The following ERBB4 variants were observed in gnomAD, a reference collection of about 807,000 sequenced individuals.
ERBB4 encodes receptor tyrosine-protein kinase erbB-4.
In ERBB4, 42 loss-of-function variants were observed where a neutral mutation model predicts 158.0. The observed-to-expected ratio is 0.27, with a 90% CI of 0.21 to 0.34. The LOEUF is 0.34. Ranked by LOEUF, ERBB4 falls within the 10% of genes least tolerant of loss-of-function variation. ERBB4 has a pLI of 1.00. For missense variants in ERBB4, 1,333 were observed against 1,624.1 expected (o/e 0.82, Z 3.08); for synonymous variants, 583 against 558.7 (o/e 1.04, Z -0.61).
intron 23 of ERBB4, among the ~76,000 whole-genome samples, chr2:211,422,520 G>A (rs952117208): frequency 6.6e-6 from 1 of 150,408 alleles, no homozygotes; most frequent in African/African-American, 2.4e-5. Context: ...AATGCAAAGT[G>A]ATTGGTAATG....
intron 1 of ERBB4, among the ~76,000 whole-genome samples, chr2:212,197,034 A>T (rs2082447868): frequency 6.6e-6 from 1 of 152,114 alleles, no homozygotes; most frequent in Non-Finnish European, 1.5e-5. Context: ...AAATAAACAT[A>T]GAAATTGACC....
intron 3 of ERBB4, among the ~76,000 whole-genome samples, chr2:211,889,003 G>A (rs2078888977): frequency 6.8e-6 from 1 of 147,002 alleles, no homozygotes; most frequent in Non-Finnish European, 1.5e-5. Flanking sequence ...GGCTTGCTTA[G>A]GTAAACAAAG....
rs1027567262 is a variant in ERBB4 at position 211,380,173 on chromosome 2, C to G, written c.*3442G>C. 4.3e-6 allele frequency: 1 copy of G among 231,952 alleles called. No individual in the cohort carries two copies. Among genetic ancestry groups the G allele is most frequent in the Non-Finnish European group, 8.5e-6 (1 of 117,342 alleles). The allele number at this position is 231,952 out of a possible 1,614,324, so 14.4% of individuals were successfully genotyped here. A position where few individuals can be genotyped will look rare whatever the true frequency, so the allele number is the denominator to read the frequency against. On this transcript the variant is annotated 3_prime_UTR_variant, in exon 28 of 28. Transcript: ENST00000342788. ...TTTTCATGCTATTTTAAGAATGTTA[C>G]TGGAGAAAGGATTCTCATCCTAAGC... is the stretch of plus-strand genomic sequence containing the variant.
At chr2:212,102,334 A>G (rs34306607) in intron 2 of ERBB4, among the ~76,000 whole-genome samples, 51,732 of 151,162 alleles carry the variant, frequency 0.34, 10,727 homozygotes, top group Non-Finnish European at 0.47. Flanking sequence ...TTTTATCTCA[A>G]TAAACGGGGA....
intron 15 of ERBB4, among the ~76,000 whole-genome samples, chr2:211,661,141 C>A (rs1274176003): frequency 6.6e-6 from 1 of 151,872 alleles, no homozygotes; most frequent in Admixed American, 6.6e-5. Flanking sequence ...TATTTTTAAA[C>A]TGAGAATGAA....
chr2:212,200,074 G>A lies in ERBB4; in HGVS notation c.83-75171C>T, dbSNP rs531927620. On this transcript the variant is annotated intron_variant, in intron 1 of 27. Transcript: ENST00000342788. ...TCTCCTTGTTTAAAATTCTGTTAAA[G>A]GTCATGGCAGCTGGTAATTATAGGA... Among the ~76,000 whole-genome samples, 11 of 152,248 alleles carry A rather than the reference G, an allele frequency of 7.2e-5. No individual in the cohort carries two copies. In the East Asian group the frequency reaches 2.1e-3, roughly 29 times the overall value.
At chr2:212,345,087 A>C (rs2088919274) in intron 1 of ERBB4, among the ~76,000 whole-genome samples, 1 of 151,852 alleles carries the variant, frequency 6.6e-6, no homozygotes, top group South Asian at 2.1e-4. Context: ...AACACGGTGA[A>C]ACCCCGTCTC....
intron 5 of ERBB4, among the ~76,000 whole-genome samples, chr2:211,727,620 AT>A (rs1400481590): frequency 6.6e-6 from 1 of 152,072 alleles, no homozygotes; most frequent in Admixed American, 6.6e-5. Flanking sequence ...AAATACTAGG[AT>A]TTAAATGCTC....
At chr2:211,754,009 C>T (rs571709981) in intron 4 of ERBB4, among the ~76,000 whole-genome samples, 7 of 151,920 alleles carry the variant, frequency 4.6e-5, no homozygotes, top group South Asian at 4.2e-4. Flanking sequence ...AGGCGCCTGC[C>T]ACCACGCCCG....
At chr2:212,118,539 T>C (rs778356603) in intron 2 of ERBB4, among the ~76,000 whole-genome samples, 4 of 132,626 alleles carry the variant, frequency 3.0e-5, no homozygotes, top group Non-Finnish European at 6.9e-5. Context: ...CGAAGAGTAG[T>C]TGAAAAGCAA....
At chr2:211,689,354 C>A (rs2072704694) in intron 12 of ERBB4, among the ~76,000 whole-genome samples, 1 of 152,026 alleles carries the variant, frequency 6.6e-6, no homozygotes, top group Admixed American at 6.6e-5. Flanking sequence ...ACCATGACAC[C>A]TGGCTACTTT....
intron 1 of ERBB4, among the ~76,000 whole-genome samples, chr2:212,443,651 A>G (rs771542452): frequency 2.0e-5 from 3 of 152,228 alleles, no homozygotes; most frequent in Non-Finnish European, 4.4e-5. Flanking sequence ...CAACAGGTCC[A>G]GGCTGCTGTG....
At chr2:211,458,111 T>C (rs1355563495) in intron 20 of ERBB4, among the ~76,000 whole-genome samples, 1 of 152,102 alleles carries the variant, frequency 6.6e-6, no homozygotes, top group Non-Finnish European at 1.5e-5. Flanking sequence ...GATATATCAC[T>C]CTATATATCT....
At chr2:211,813,756 C>T (rs1051922224) in intron 3 of ERBB4, among the ~76,000 whole-genome samples, 1 of 151,352 alleles carries the variant, frequency 6.6e-6, no homozygotes, top group African/African-American at 2.4e-5. Flanking sequence ...AGAAACCTTG[C>T]TACTTGAGTA....
chr2:211,427,980 T>C (rs1010849262), intron 22 of ERBB4, among the ~76,000 whole-genome samples: 6 of 149,290 alleles, frequency 4.0e-5, no homozygotes, highest in African/African-American at 1.5e-4. Flanking sequence ...AGCAATGCTA[T>C]TTAGAATATT....
At chr2:212,022,921 T>G (rs1403414804) in intron 2 of ERBB4, among the ~76,000 whole-genome samples, 1 of 152,078 alleles carries the variant, frequency 6.6e-6, no homozygotes, top group African/African-American at 2.4e-5. Context: ...GGTAATTACT[T>G]TATGTGGAAG....
At chr2:212,285,885 T>G (rs2085942600) in intron 1 of ERBB4, among the ~76,000 whole-genome samples, 1 of 152,100 alleles carries the variant, frequency 6.6e-6, no homozygotes, top group Non-Finnish European at 1.5e-5. Flanking sequence ...CAAAACAAAT[T>G]TCTTGGATGA....
At chr2:212,525,177 C>T (rs1178720161) in intron 1 of ERBB4, among the ~76,000 whole-genome samples, 1 of 151,962 alleles carries the variant, frequency 6.6e-6, no homozygotes, top group Non-Finnish European at 1.5e-5. Context: ...CAAAAAGAGG[C>T]TCCACATTCC....
At chr2:212,072,743 C>G (rs571062219) in intron 2 of ERBB4, among the ~76,000 whole-genome samples, 1 of 152,042 alleles carries the variant, frequency 6.6e-6, no homozygotes, top group African/African-American at 2.4e-5. Flanking sequence ...GATATTTAGT[C>G]AGTGGCTACT....
Sources: allele counts gnomAD v4.1 joint callset (sites outside exome capture counted in the v4.1 genomes callset), GRCh38; gene constraint gnomAD v4.1.1; transcripts MANE v1.5; gene names NCBI Gene and HGNC (gene_info 2026-07-23, HGNC 2026-07-21).